EPHA4: variants seen among roughly 807,000 people sequenced by gnomAD.
The protein encoded by EPHA4 is EPH receptor A4.
In EPHA4, 19 loss-of-function variants were observed where a neutral mutation model predicts 108.3. The observed-to-expected ratio is 0.18, with a 90% CI of 0.12 to 0.26. The LOEUF is 0.26. EPHA4 is among the 10% of genes least tolerant of loss of function. The probability of loss-of-function intolerance (pLI) is 1.00; values close to 1 mark genes in which losing one functional copy is unlikely to be tolerated. For missense variants in EPHA4, 917 were observed against 1,254.0 expected (o/e 0.73, Z 4.06); for synonymous variants, 449 against 455.5 (o/e 0.99, Z 0.18).
chr2:221,548,860 G>A (rs1694081044), intron 3 of EPHA4, among the ~76,000 whole-genome samples: 1 of 152,082 alleles, frequency 6.6e-6, no homozygotes. Flanking sequence ...ATTGAGATTA[G>A]CATCCATCCC....
At chr2:221,543,029 G>C (rs546178244) in intron 3 of EPHA4, among the ~76,000 whole-genome samples, 1 of 152,066 alleles carries the variant, frequency 6.6e-6, no homozygotes. Flanking sequence ...GCTCTTTCTC[G>C]TTATGTTTGT....
At chr2:221,477,869 G>A (rs1300719656) in intron 5 of EPHA4, among the ~76,000 whole-genome samples, 1 of 152,132 alleles carries the variant, frequency 6.6e-6, no homozygotes, top group Non-Finnish European at 1.5e-5. Flanking sequence ...AAATAATTAC[G>A]TAATGCATCA....
intron 3 of EPHA4, among the ~76,000 whole-genome samples, chr2:221,562,028 C>T (rs1232602071): frequency 6.6e-6 from 1 of 152,048 alleles, no homozygotes; most frequent in Admixed American, 6.6e-5. Flanking sequence ...AATTTAGTTG[C>T]CAGTAACAAT....
intron 4 of EPHA4, among the ~76,000 whole-genome samples, chr2:221,486,957 C>G (rs1691995377): frequency 1.3e-5 from 2 of 152,122 alleles, no homozygotes; most frequent in South Asian, 4.2e-4. Flanking sequence ...CTGTACTAGT[C>G]AACTTTTCAC....
intron 3 of EPHA4, among the ~76,000 whole-genome samples, chr2:221,553,422 C>T (rs1479932634): frequency 6.6e-6 from 1 of 152,178 alleles, no homozygotes; most frequent in African/African-American, 2.4e-5. Flanking sequence ...AAAAGCATTC[C>T]TAACTGAGCT....
Position 221,432,818 on chromosome 2 carries a change from ATTTTTTTTTTTT to A in EPHA4, c.2496+1312_2496+1323del, listed in dbSNP as rs34200694. Among the ~76,000 whole-genome samples the A allele has an allele frequency of 2.3e-3, 202 of 89,110 alleles. 1 individual carries two copies. Among genetic ancestry groups the A allele is most frequent in the Middle Eastern group, 8.6e-3 (1 of 116 alleles). The allele number at this position is 89,110 out of a possible 152,430, so 58.5% of individuals were successfully genotyped here. A position where few individuals can be genotyped will look rare whatever the true frequency, so the allele number is the denominator to read the frequency against. On this transcript the variant is annotated intron_variant, in intron 14 of 17. Transcript: ENST00000281821. Reference sequence around the variant, plus strand: ...ACCACCACGCCCAGCAAATCTTTGTATTTTTTTTTTTTTTTTTTTTTTTTGAGACGGAGTCTT... The same window carrying A: ...ACCACCACGCCCAGCAAATCTTTGTATTTTTTTTTTTTGAGACGGAGTCTT...
At chr2:221,527,120 T>C (rs1354369187) in intron 3 of EPHA4, among the ~76,000 whole-genome samples, 1 of 151,952 alleles carries the variant, frequency 6.6e-6, no homozygotes, top group African/African-American at 2.4e-5. Flanking sequence ...TGAGACTCTG[T>C]CTAAAGGAAA....
In EPHA4 at chr2:221,423,254, T is replaced by A. The variant is rs550968587; in HGVS notation, c.*819+1955A>T. On this transcript the variant is annotated intron_variant, in intron 17 of 17. Coordinates refer to ENST00000281821, the MANE Select transcript of EPHA4 (RefSeq NM_004438.5). ...CTCTCTAATTTCCAGGTGGAGGAAC[T>A]GAGTTATAAAGAAAAGTGGAGTGAA... Among the ~76,000 whole-genome samples, 9 of 152,370 alleles carry A rather than the reference T, an allele frequency of 5.9e-5. No homozygotes were observed. In the South Asian group the frequency reaches 1.4e-3, roughly 25 times the overall value.
intron 3 of EPHA4, among the ~76,000 whole-genome samples, chr2:221,545,234 TCGAGGTGGGCGGATCAC>T (rs1693957588): frequency 8.6e-5 from 2 of 23,122 alleles, no homozygotes; most frequent in Non-Finnish European, 1.7e-4. Context: ...GATCACGAGG[TCGAGGTGGGCGGATCAC>T]GAGGTCGGGA....
At chr2:221,430,908 T>A (rs914282329) in intron 14 of EPHA4, among the ~76,000 whole-genome samples, 4 of 152,348 alleles carry the variant, frequency 2.6e-5, no homozygotes, top group Admixed American at 6.5e-5. Context: ...ATTGTCTTAT[T>A]GGCCAAGACC....
In EPHA4 at chr2:221,500,892, A is replaced by C. The variant is rs2276629; in HGVS notation, c.979+125T>G. The C allele has an allele frequency of 8.5e-5, 92 of 1,076,382 alleles. No homozygotes were observed. The East Asian group carries it at 2.1e-3, about 25-fold the overall frequency. The allele number at this position is 1,076,382 out of a possible 1,614,324, so 66.7% of individuals were successfully genotyped here. On this transcript the variant is annotated intron_variant, in intron 4 of 17. Transcript: ENST00000281821. ...GCATTTCCCCTGCTATGATTGAGAA[A>C]GGATGAATGTTTGATCTCAAGTGCC...
intron 2 of EPHA4, among the ~76,000 whole-genome samples, chr2:221,565,708 G>A (rs1694610191): frequency 6.6e-6 from 1 of 152,152 alleles, no homozygotes; most frequent in Admixed American, 6.5e-5. Context: ...GTTGAAACTA[G>A]GAGGGGGTAA....
In EPHA4 at chr2:221,564,200, G is replaced by A; in HGVS notation, c.354C>T (p.Cys118=). 3 of 1,614,112 alleles carry A rather than the reference G, an allele frequency of 1.9e-6. No individual in the cohort carries two copies. The highest frequency in any genetic ancestry group is 1.1e-5 in the South Asian group (1 of 91,064). The stretch of plus-strand genomic sequence containing the variant: ...AGTAGTACAGGTTAAACGTCTCCTT[G>A]CAAGTCCCCATGACGCCCGGAAGAC... The part of the protein sequence containing the change: ...CNSLPGVMGT[C]KETFNLYYYE... The change falls in exon 3 of 18, where the codon TGC becomes TGT. Residue 118 remains cysteine, a synonymous_variant. Coordinates refer to ENST00000281821, the MANE Select transcript of EPHA4 (RefSeq NM_004438.5).
intron 3 of EPHA4, among the ~76,000 whole-genome samples, chr2:221,502,757 C>G (rs985076534): frequency 6.6e-6 from 1 of 152,206 alleles, no homozygotes; most frequent in Non-Finnish European, 1.5e-5. Context: ...TTCACTCTTA[C>G]TAACTGAAGT....
At chr2:221,477,031 G>A (rs975092962) in intron 5 of EPHA4, among the ~76,000 whole-genome samples, 1 of 148,496 alleles carries the variant, frequency 6.7e-6, no homozygotes, top group Non-Finnish European at 1.5e-5. Context: ...ATAATGAGGT[G>A]TAATGCCACT....
At chr2:221,479,068 A>C (rs896322831) in intron 5 of EPHA4, among the ~76,000 whole-genome samples, 15 of 152,216 alleles carry the variant, frequency 9.9e-5, no homozygotes, top group Non-Finnish European at 1.8e-4. Context: ...ACCACATTCT[A>C]CAATTAAATG....
intron 3 of EPHA4, among the ~76,000 whole-genome samples, chr2:221,544,724 C>G (rs1193667479): frequency 6.6e-6 from 1 of 152,056 alleles, no homozygotes; most frequent in Non-Finnish European, 1.5e-5. Context: ...AGCCCTAACC[C>G]CACAATGTGA....
intron 3 of EPHA4, among the ~76,000 whole-genome samples, chr2:221,522,739 TA>T (rs1693199745): frequency 1.2e-4 from 2 of 16,602 alleles, no homozygotes; most frequent in African/African-American, 1.7e-3. Context: ...AAAATCCTAT[TA>T]TTATTATTAT....
At chr2:221,558,357 T>C (rs2106204477) in intron 3 of EPHA4, among the ~76,000 whole-genome samples, 1 of 152,236 alleles carries the variant, frequency 6.6e-6, no homozygotes, top group East Asian at 1.9e-4. Context: ...TTTTACTTTA[T>C]GTAATTCTAT....
Sources: allele counts gnomAD v4.1 joint callset (sites outside exome capture counted in the v4.1 genomes callset), GRCh38; gene constraint gnomAD v4.1.1; transcripts MANE v1.5; gene names NCBI Gene and HGNC (gene_info 2026-07-23, HGNC 2026-07-21).